ADAMTS9: variants seen among roughly 807,000 people sequenced by gnomAD.
ADAMTS9 encodes A disintegrin and metalloproteinase with thrombospondin motifs 9.
Under a neutral mutation model 257.1 loss-of-function variants are expected in ADAMTS9, and 107 were observed. That is an observed-to-expected ratio of 0.42 (90% CI 0.36 to 0.49). ADAMTS9 has a LOEUF of 0.49. ADAMTS9 is among the 20% of genes least tolerant of loss of function. The pLI is 0.03. For missense variants in ADAMTS9, 2,353 were observed against 2,469.1 expected (o/e 0.95, Z 1.00); for synonymous variants, 982 against 880.9 (o/e 1.11, Z -2.03).
At chr3:64,636,427 T>A (rs1700498268) in intron 12 of ADAMTS9, among the ~76,000 whole-genome samples, 1 of 152,194 alleles carries the variant, frequency 6.6e-6, no homozygotes, top group South Asian at 2.1e-4. Flanking sequence ...TTGCCAAGCC[T>A]CCGTTTGCTT....
intron 32 of ADAMTS9, among the ~76,000 whole-genome samples, chr3:64,544,856 A>G (rs530565482): frequency 1.8e-3 from 275 of 152,336 alleles, no homozygotes; most frequent in Non-Finnish European, 2.8e-3. Flanking sequence ...AATTTTTACA[A>G]TCTACCCATC....
chr3:64,634,579 T>G (rs1221264527), intron 12 of ADAMTS9, among the ~76,000 whole-genome samples: 2 of 152,230 alleles, frequency 1.3e-5, no homozygotes, highest in Non-Finnish European at 2.9e-5. Context: ...AATCTCCGCA[T>G]GCAACCCTGT....
chr3:64,678,276 C>A (rs1391832359), intron 3 of ADAMTS9, among the ~76,000 whole-genome samples: 2 of 152,200 alleles, frequency 1.3e-5, no homozygotes, highest in Non-Finnish European at 2.9e-5. Flanking sequence ...CTGCTAAGGA[C>A]TCCTCCAGTT....
intron 28 of ADAMTS9, chr3:64,592,406 C>A (rs933816120): frequency 1.3e-5 from 2 of 152,134 alleles, no homozygotes; most frequent in Non-Finnish European, 1.5e-5. Context: ...AGAACAACTA[C>A]ATGAAATAAA....
At chr3:64,587,801 C>G (rs2084187015) in intron 28 of ADAMTS9, 2 of 152,150 alleles carry the variant, frequency 1.3e-5, no homozygotes, top group Non-Finnish European at 2.9e-5. Flanking sequence ...AATGATCCCA[C>G]TTTAGAGAAA....
Position 64,686,467 on chromosome 3 carries a change from GC to G in ADAMTS9, c.516+100del, listed in dbSNP as rs1358098935. 3 of 1,404,422 alleles carry G rather than the reference GC, an allele frequency of 2.1e-6. No homozygotes were observed. The highest frequency in any genetic ancestry group is 2.8e-6 in the Non-Finnish European group (3 of 1,055,556). 87.0% of individuals were successfully genotyped at this position (1,404,422 alleles called of 1,614,324 possible). On this transcript the variant is annotated intron_variant, in intron 2 of 39. Transcript: ENST00000498707. This position sits in a 1 kb window ranked among gnomAD's most constrained non-coding sequence, Gnocchi z 4.6. ...ATATTTAACGCCGGAGAGGAGCGGA[GC>G]CTCGCCACAGTGAGGGTCTCTAGGC...
rs772073590 is a variant in ADAMTS9 at position 64,649,597 on chromosome 3, A to G, written c.1605+40T>C. 1.9e-6 allele frequency: 3 copies of G among 1,562,200 alleles called. No individual in the cohort carries two copies. In the South Asian group the frequency reaches 3.6e-5, roughly 19 times the overall value. ...AAACTATGAATAAAAAGAAGTGCAG[A>G]ATCAGTAGATGAGGGCAGAAGTGGC... On this transcript the variant is annotated intron_variant, in intron 10 of 39. Transcript: ENST00000498707.
At chr3:64,543,825 A>G (rs971583289) in intron 32 of ADAMTS9, among the ~76,000 whole-genome samples, 3 of 152,210 alleles carry the variant, frequency 2.0e-5, no homozygotes, top group Non-Finnish European at 4.4e-5. Flanking sequence ...AGGAAGTCCA[A>G]TTGTCCCTCT....
chr3:64,668,071 G>A (rs1701392855), intron 3 of ADAMTS9, among the ~76,000 whole-genome samples: 1 of 152,052 alleles, frequency 6.6e-6, no homozygotes, highest in African/African-American at 2.4e-5. Flanking sequence ...TGACCTTTCC[G>A]CCTGTCAGGG....
chr3:64,534,459 T>C (rs752985652), intron 37 of ADAMTS9, among the ~76,000 whole-genome samples: 1 of 152,228 alleles, frequency 6.6e-6, no homozygotes, highest in Non-Finnish European at 1.5e-5. Context: ...AGTAAGCTTA[T>C]TGAGAGCAGG....
chr3:64,615,531 T>C (rs761903422), intron 20 of ADAMTS9, 46 bp from the exon 21 acceptor site: 24 of 1,552,236 alleles, frequency 1.5e-5, no homozygotes, highest in Middle Eastern at 2.0e-4. Flanking sequence ...AAGTTTCTTA[T>C]AAAGTATGCT....
intron 3 of ADAMTS9, among the ~76,000 whole-genome samples, chr3:64,670,360 C>T (rs1452137284): frequency 1.3e-5 from 2 of 152,202 alleles, no homozygotes; most frequent in African/African-American, 4.8e-5. Context: ...AAAATAACAA[C>T]TGCCTTTTCT....
chr3:64,581,225 T>A (rs933187706), intron 28 of ADAMTS9, among the ~76,000 whole-genome samples: 4 of 152,152 alleles, frequency 2.6e-5, no homozygotes, highest in Non-Finnish European at 4.4e-5. Context: ...ATGTGCCACA[T>A]CAGGAAATGT....
intron 12 of ADAMTS9, among the ~76,000 whole-genome samples, chr3:64,638,022 T>C (rs572679351): frequency 3.3e-5 from 5 of 152,308 alleles, no homozygotes; most frequent in African/African-American, 1.2e-4. Flanking sequence ...GAAATAGACA[T>C]ATGTCTTAAA....
At chr3:64,592,719 C>T (rs1254242750) in intron 28 of ADAMTS9, 1 of 151,238 alleles carries the variant, frequency 6.6e-6, no homozygotes, top group East Asian at 1.9e-4. Context: ...TTTCACCAAA[C>T]CACAAGAATA....
chr3:64,660,515 A>G (rs553709405), intron 3 of ADAMTS9, among the ~76,000 whole-genome samples: 2 of 152,290 alleles, frequency 1.3e-5, no homozygotes, highest in South Asian at 4.1e-4. Context: ...CATAACCTTT[A>G]AATTGCATAC....
rs570398048 is a variant in ADAMTS9 at position 64,686,098 on chromosome 3, A to G, written c.516+470T>C. Among the ~76,000 whole-genome samples the G allele has an allele frequency of 1.3e-5, 2 of 152,254 alleles. No individual in the cohort carries two copies. Among genetic ancestry groups the G allele is most frequent in the African/African-American group, 4.8e-5 (2 of 41,558 alleles). On this transcript the variant is annotated intron_variant, in intron 2 of 39. Coordinates refer to ENST00000498707, the MANE Select transcript of ADAMTS9 (RefSeq NM_182920.2). The surrounding 1 kb of genome is among the most constrained non-coding windows in gnomAD (Gnocchi z 4.6). ...CTCTAGATTACGCACCGCCCTCCACAACACACACTGAAGGAACTCCCAGTG... is the reference window on the plus strand; with the variant it reads ...CTCTAGATTACGCACCGCCCTCCACGACACACACTGAAGGAACTCCCAGTG...
intron 26 of ADAMTS9, among the ~76,000 whole-genome samples, chr3:64,601,430 G>T (rs1408328942): frequency 6.6e-6 from 1 of 152,130 alleles, no homozygotes; most frequent in Non-Finnish European, 1.5e-5. Context: ...CTTAAGGTTA[G>T]AGTACTTCTC....
At position 64,568,423 on chromosome 3, in the gene ADAMTS9, T is replaced by A; in HGVS notation, c.4469A>T (p.His1490Leu). ...GCATCTTCCTCCTCGGCACTTTCTG[T>A]GCCCATGTGGCTTAGCCAGGTGCTT... ...YCKHLAKPHG[H>L]RKCRGGRCPK... is the part of the protein sequence containing the mutation. Residue 1490 changes from histidine to leucine, a missense_variant, in exon 29 of 40, where the codon CAC becomes CTC. Physicochemically the swap from His to Leu is moderately conservative, Grantham distance 99. Coordinates refer to ENST00000498707, the MANE Select transcript of ADAMTS9 (RefSeq NM_182920.2). The A allele has an allele frequency of 6.2e-7, 1 of 1,613,764 alleles. No homozygotes were observed. Among genetic ancestry groups the A allele is most frequent in the Non-Finnish European group, 8.5e-7 (1 of 1,179,920 alleles).
Sources: allele counts gnomAD v4.1 joint callset (sites outside exome capture counted in the v4.1 genomes callset), GRCh38; gene constraint gnomAD v4.1.1; non-coding constraint Gnocchi (gnomAD v3.1); transcripts MANE v1.5; gene names NCBI Gene and HGNC (gene_info 2026-07-23, HGNC 2026-07-21).